CFAP299: variants seen among roughly 807,000 people sequenced by gnomAD.
CFAP299 encodes cilia and flagella associated protein 299, also known as cilia- and flagella-associated protein 299.
CFAP299 carries 21 observed loss-of-function variants against 27.0 expected under a neutral mutation model. That is an observed-to-expected ratio of 0.78 (90% confidence interval 0.55 to 1.12). The LOEUF (loss-of-function observed/expected upper bound fraction) is 1.12, where lower values mean the gene tolerates loss of function less well. CFAP299 is among the 50% of genes most tolerant of loss of function. The pLI is 0.00. For synonymous variants in CFAP299, 104 were observed against 98.1 expected (o/e 1.06, Z -0.36); for missense variants, 310 against 276.6 (o/e 1.12, Z -0.86).
rs1352519201 is a variant in CFAP299, at chr4:80,756,315, T to C, written c.334-113678T>C. Among the ~76,000 whole-genome samples, 19 of 152,112 alleles carry C rather than the reference T, an allele frequency of 1.2e-4. 1 individual carries two copies. The highest frequency in any genetic ancestry group is 1.2e-3 in the Admixed American group (19 of 15,266). ...ATCTTTATAAAAACTTACTGTGTTT[T>C]TTCTTTCCCTAAGCATGAAAATATA... On this transcript the variant is annotated intron_variant, in intron 3 of 5. Transcript: ENST00000358105.
intron 4 of CFAP299, among the ~76,000 whole-genome samples, chr4:80,929,734 C>T (rs572647960): frequency 1.4e-4 from 22 of 152,274 alleles, no homozygotes; most frequent in Admixed American, 1.2e-3. Flanking sequence ...GGACCAGGAA[C>T]TGCATATCTG....
chr4:80,499,323 G>A (rs1731622561), intron 2 of CFAP299, among the ~76,000 whole-genome samples: 1 of 152,016 alleles, frequency 6.6e-6, no homozygotes, highest in Non-Finnish European at 1.5e-5. Context: ...AATTCTTAAT[G>A]GTGCTATAAT....
intron 3 of CFAP299, among the ~76,000 whole-genome samples, chr4:80,782,646 ATGAATATATAATATATT>A (rs1726968701): frequency 8.5e-6 from 1 of 118,072 alleles, no homozygotes; most frequent in Non-Finnish European, 1.8e-5. Context: ...ATATACATAT[ATGAATATATAATATATT>A]CATATATAAT....
chr4:80,854,354 A>G (rs935387190), intron 3 of CFAP299, among the ~76,000 whole-genome samples: 2 of 150,994 alleles, frequency 1.3e-5, no homozygotes, highest in African/African-American at 2.4e-5. Context: ...ATTCTGCTAT[A>G]AGGAGAAGCA....
intron 3 of CFAP299, among the ~76,000 whole-genome samples, chr4:80,796,515 A>G (rs1727870793): frequency 6.6e-6 from 1 of 152,204 alleles, no homozygotes; most frequent in Non-Finnish European, 1.5e-5. Context: ...TGGTAAATGT[A>G]TATTGCTGGC....
At chr4:80,414,292 G>A (rs542668841) in intron 2 of CFAP299, among the ~76,000 whole-genome samples, 9 of 151,430 alleles carry the variant, frequency 5.9e-5, no homozygotes, top group East Asian at 1.9e-4. Context: ...GGATGGTCTC[G>A]ATCTCCTGAC....
chr4:80,543,603 TCA>T (rs1192502241), intron 2 of CFAP299, among the ~76,000 whole-genome samples: 1 of 152,186 alleles, frequency 6.6e-6, no homozygotes, highest in African/African-American at 2.4e-5. Flanking sequence ...CGAAAGAATC[TCA>T]GACTCTGAAG....
At chr4:80,482,882 T>C (rs1325360634) in intron 2 of CFAP299, among the ~76,000 whole-genome samples, 1 of 152,204 alleles carries the variant, frequency 6.6e-6, no homozygotes, top group Non-Finnish European at 1.5e-5. Flanking sequence ...GTAGTGTATA[T>C]GTAAATTCCA....
rs532935355 is a variant in CFAP299, at chr4:80,759,884, T to G, written c.334-110109T>G. On this transcript the variant is annotated intron_variant, in intron 3 of 5. Coordinates refer to ENST00000358105, the MANE Select transcript of CFAP299 (RefSeq NM_152770.3). ...ATGTCTCCTTAAACGTGTTTTTTTT[T>G]GTAAACCTGTGGATCTCATCATGGC... 7.0e-4 allele frequency among the ~76,000 whole-genome samples: 107 copies of G among 152,296 alleles called. 1 individual carries two copies. Among genetic ancestry groups the G allele is most frequent in the Admixed American group, 3.9e-4 (6 of 15,296 alleles).
At chr4:80,549,124 C>G (rs938746410) in intron 2 of CFAP299, among the ~76,000 whole-genome samples, 2 of 151,990 alleles carry the variant, frequency 1.3e-5, no homozygotes, top group South Asian at 2.1e-4. Flanking sequence ...TGTATTTTTT[C>G]TAAGCACTAT....
At position 80,405,609 on chromosome 4, in the gene CFAP299, A is replaced by G. The variant is rs181199570; in HGVS notation, c.242+42725A>G. Among the ~76,000 whole-genome samples the G allele has an allele frequency of 4.4e-3, 673 of 152,186 alleles. 5 individuals carry two copies. The highest frequency in any genetic ancestry group is 6.2e-3 in the Non-Finnish European group (421 of 67,986). Reference sequence around the variant, plus strand: ...ACATTAAGTACATATTTGCACATTTAGAATGGGGTACTTCTTATGGTTTTT... The same window carrying G: ...ACATTAAGTACATATTTGCACATTTGGAATGGGGTACTTCTTATGGTTTTT... On this transcript the variant is annotated intron_variant, in intron 2 of 5. Transcript: ENST00000358105.
At chr4:80,329,208 C>CAT in the CFAP299 span, among the ~76,000 whole-genome samples, 10,465 of 135,868 alleles carry the variant, frequency 0.077, 522 homozygotes, top group Middle Eastern at 0.14. Context: ...ACACTGTATA[C>CAT]ATATATATAT....
intron 4 of CFAP299, among the ~76,000 whole-genome samples, chr4:80,940,904 T>C (rs1479542313): frequency 6.6e-6 from 1 of 152,190 alleles, no homozygotes; most frequent in Non-Finnish European, 1.5e-5. Context: ...AGATAGGTAC[T>C]GAGATGATAT....
rs146000588 is a variant in CFAP299, at chr4:80,656,112, G to A, written c.333+72929G>A. Among the ~76,000 whole-genome samples, 34 of 152,030 alleles carry A rather than the reference G, an allele frequency of 2.2e-4. No homozygotes were observed. In the Middle Eastern group the frequency reaches 0.01, roughly 46 times the overall value. ...TAACTTTATATTCTTGGCTATTCCG[G>A]TGTTTGCATTGTTCATTTTTAAGTC... On this transcript the variant is annotated intron_variant, in intron 3 of 5. Transcript: ENST00000358105.
intron 4 of CFAP299, among the ~76,000 whole-genome samples, chr4:80,906,681 G>T (rs993890048): frequency 6.6e-5 from 10 of 152,292 alleles, no homozygotes; most frequent in Middle Eastern, 3.4e-3. Context: ...AAGGGTTGGG[G>T]CTTGCACCTT....
At chr4:80,388,408 G>T in intron 2 of CFAP299, 1 of 735,278 alleles carries the variant, frequency 1.4e-6, no homozygotes, top group Non-Finnish European at 2.5e-6. Context: ...GGACCGCTGT[G>T]GGTGCTGCCG....
At chr4:80,820,256 A>C (rs6535180) in intron 3 of CFAP299, among the ~76,000 whole-genome samples, 152,271 of 152,276 alleles carry the variant, frequency 1, 76,133 homozygotes, top group Middle Eastern at 1. Flanking sequence ...TGCATTCATT[A>C]ATTCATTTAA....
Position 80,335,937 on chromosome 4 carries a change from G to A in CFAP299, c.111+58G>A. On this transcript the variant is annotated intron_variant, in intron 1 of 5. Transcript: ENST00000358105. ...CGCGCGTCCCTCGGTCCCTCCTCGAGTTCCCGCTTCGTGGGCTGGTCGCCC... is the reference window on the plus strand; with the variant it reads ...CGCGCGTCCCTCGGTCCCTCCTCGAATTCCCGCTTCGTGGGCTGGTCGCCC... The A allele has an allele frequency of 1.4e-5, 15 of 1,106,096 alleles. No homozygotes were observed. In the South Asian group the frequency reaches 1.9e-4, roughly 14 times the overall value. The allele number at this position is 1,106,096 out of a possible 1,614,324, so 68.5% of individuals were successfully genotyped here.
chr4:80,389,977 AATT>A (rs1194077845), intron 2 of CFAP299, among the ~76,000 whole-genome samples: 3 of 152,144 alleles, frequency 2.0e-5, no homozygotes, highest in African/African-American at 7.2e-5. Context: ...ATTTTTCCAG[AATT>A]ATTAACATAG....
Sources: gnomAD v4.1 joint callset for allele counts (sites outside exome capture counted in the v4.1 genomes callset) on GRCh38, gnomAD v4.1.1 for gene constraint, MANE v1.5 for transcripts, NCBI Gene and HGNC (gene_info 2026-07-23, HGNC 2026-07-21) for gene names.